The following GRIN2A variants were observed in gnomAD, a reference collection of about 807,000 sequenced individuals.
GRIN2A encodes glutamate ionotropic receptor NMDA type subunit 2A.
A neutral mutation model predicts 113.4 loss-of-function variants in GRIN2A; 22 were observed. The observed-to-expected ratio is 0.19, with a 90% CI of 0.14 to 0.28. The LOEUF is 0.28. Among genes scored for constraint, GRIN2A ranks in the 10% least tolerant of loss-of-function variants. GRIN2A has a pLI of 1.00. For missense variants in GRIN2A, 1,502 were observed against 1,887.0 expected (o/e 0.80, Z 3.78); for synonymous variants, 827 against 738.4 (o/e 1.12, Z -1.94).
Position 9,903,122 on chromosome 16 carries a change from C to A in GRIN2A, c.1008-12022G>T, listed in dbSNP as rs554498694. On this transcript the variant is annotated intron_variant, in intron 3 of 12. Transcript: ENST00000330684. ...TAGCTGGGACTACAATCGCGTGCCA[C>A]CATGCCCAGCTAATTTTTTTGTATT... Among the ~76,000 whole-genome samples the A allele has an allele frequency of 2.6e-5, 4 of 151,950 alleles. No individual in the cohort carries two copies. In the South Asian group the frequency reaches 8.4e-4, roughly 32 times the overall value.
chr16:9,852,683 C>T (rs1325440474), intron 4 of GRIN2A, among the ~76,000 whole-genome samples: 2 of 152,204 alleles, frequency 1.3e-5, no homozygotes, highest in African/African-American at 2.4e-5. Context: ...CTTTTCTCAT[C>T]TGATAGACCC....
At chr16:9,863,650 C>A (rs1236190150) in intron 4 of GRIN2A, among the ~76,000 whole-genome samples, 1 of 152,136 alleles carries the variant, frequency 6.6e-6, no homozygotes, top group Non-Finnish European at 1.5e-5. Context: ...GGGTTTCAAC[C>A]AAGAGGAATG....
intron 2 of GRIN2A, among the ~76,000 whole-genome samples, chr16:10,144,495 T>G (rs938411491): frequency 6.6e-5 from 10 of 152,238 alleles, no homozygotes; most frequent in Non-Finnish European, 1.2e-4. Context: ...CTTTGTCCAT[T>G]TTTTAATTGT....
chr16:10,012,316 A>C (rs1024148453), intron 2 of GRIN2A, among the ~76,000 whole-genome samples: 8 of 152,176 alleles, frequency 5.3e-5, no homozygotes, highest in African/African-American at 1.9e-4. Context: ...GTTCCTTCTC[A>C]CACCTTTTAT....
chr16:10,003,783 A>C (rs180888644), intron 2 of GRIN2A, among the ~76,000 whole-genome samples: 2 of 152,356 alleles, frequency 1.3e-5, no homozygotes, highest in African/African-American at 4.8e-5. Context: ...GAATGAGGTC[A>C]TTAAAGCAAA....
intron 2 of GRIN2A, among the ~76,000 whole-genome samples, chr16:10,028,984 T>G (rs901407650): frequency 6.6e-6 from 1 of 152,210 alleles, no homozygotes; most frequent in Non-Finnish European, 1.5e-5. Context: ...TCAAGTAATA[T>G]AGGAAAGGGG....
chr16:9,862,054 C>G (rs539781747), intron 4 of GRIN2A, among the ~76,000 whole-genome samples: 3 of 152,176 alleles, frequency 2.0e-5, no homozygotes, highest in Non-Finnish European at 4.4e-5. Flanking sequence ...GACTTTTCAA[C>G]CAGCGTCCTA....
intron 2 of GRIN2A, among the ~76,000 whole-genome samples, chr16:10,100,343 C>T (rs1374132116): frequency 6.6e-6 from 1 of 152,196 alleles, no homozygotes; most frequent in Non-Finnish European, 1.5e-5. Flanking sequence ...AGCAAAGATG[C>T]TTGTGCAAAG....
chr16:10,084,311 A>C (rs907770534), intron 2 of GRIN2A, among the ~76,000 whole-genome samples: 34 of 152,152 alleles, frequency 2.2e-4, no homozygotes, highest in African/African-American at 8.0e-4. Flanking sequence ...TCAGCACTTT[A>C]AGCATGGGGC....
intron 2 of GRIN2A, among the ~76,000 whole-genome samples, chr16:10,084,949 C>G (rs977535030): frequency 1.3e-5 from 2 of 152,290 alleles, no homozygotes; most frequent in South Asian, 4.1e-4. Flanking sequence ...GCAGCCAACA[C>G]TTTGATACAA....
chr16:10,065,695 A>C (rs889846090), intron 2 of GRIN2A, among the ~76,000 whole-genome samples: 1 of 152,228 alleles, frequency 6.6e-6, no homozygotes, highest in Admixed American at 6.5e-5. Context: ...TAGTGTTAAT[A>C]ATTATGGAAG....
chr16:9,798,282 C>G lies in GRIN2A; in HGVS notation c.2351G>C (p.Gly784Ala), dbSNP rs76392464. Residue 784 changes from glycine (G) to alanine (A), a missense_variant, in exon 11 of 13, where the codon GGT becomes GCT. Physicochemically the swap from Gly to Ala is moderately conservative, Grantham distance 60. Around this residue, in one of 7 missense-constraint regions of GRIN2A, gnomAD observed 101 missense variants for 240.4 expected, o/e 0.42. Coordinates refer to ENST00000330684, the MANE Select transcript of GRIN2A (RefSeq NM_001134407.3). ...QIDLALLQFV[G>A]DGEMEELETL... ...GGGGTCACCCGGGGTCTTACCATCA[C>G]CCACAAACTGAAGCAAGGCCAGGTC... 6.2e-7 allele frequency: 1 copy of G among 1,613,768 alleles called. No individual in the cohort carries two copies. The highest frequency in any genetic ancestry group is 2.2e-5 in the East Asian group (1 of 44,820).
intron 2 of GRIN2A, among the ~76,000 whole-genome samples, chr16:9,979,860 T>A (rs192523932): frequency 6.7e-6 from 1 of 148,714 alleles, no homozygotes; most frequent in Admixed American, 6.8e-5. Flanking sequence ...TGTGTGTGTG[T>A]GTGTGTGTGT....
intron 2 of GRIN2A, among the ~76,000 whole-genome samples, chr16:10,123,780 T>C (rs1421574195): frequency 6.6e-6 from 1 of 152,226 alleles, no homozygotes; most frequent in Admixed American, 6.5e-5. Flanking sequence ...TTTCAAACTC[T>C]GTAATCAGAC....
chr16:10,115,375 G>A (rs1038324498), intron 2 of GRIN2A, among the ~76,000 whole-genome samples: 6 of 152,160 alleles, frequency 3.9e-5, no homozygotes, highest in African/African-American at 1.4e-4. Flanking sequence ...TTCATTTGTA[G>A]GTAGTAGGAG....
At position 9,975,576 on chromosome 16, in the gene GRIN2A, C is replaced by T; in HGVS notation, c.415-37025G>A. 1.3e-5 allele frequency among the ~76,000 whole-genome samples: 2 copies of T among 152,170 alleles called. 1 individual carries two copies. The highest frequency in any genetic ancestry group is 2.9e-5 in the Non-Finnish European group (2 of 68,030). ...ACTCTTCGGTTTGTGAATCATTCGT[C>T]ACAGCAGCAACAGAAAACTAACAGA... On this transcript the variant is annotated intron_variant, in intron 2 of 12. Coordinates refer to ENST00000330684, the MANE Select transcript of GRIN2A (RefSeq NM_001134407.3).
rs541331805 is a variant in GRIN2A at position 9,893,793 on chromosome 16, T to C, written c.1008-2693A>G. Among the ~76,000 whole-genome samples, 76 of 152,324 alleles carry C rather than the reference T, an allele frequency of 5.0e-4. 1 individual carries two copies. The South Asian group carries it at 8.7e-3, about 17-fold the overall frequency. ...AAGGATATTTTCTTGATTTAACAAC[T>C]AATTACTCTATTTATTATAGAGACG... is the stretch of plus-strand genomic sequence containing the variant. On this transcript the variant is annotated intron_variant, in intron 3 of 12. Transcript: ENST00000330684.
At position 9,870,781 on chromosome 16, in the gene GRIN2A, G is replaced by A. The variant is rs550394752; in HGVS notation, c.1122+20205C>T. Among the ~76,000 whole-genome samples the A allele has an allele frequency of 2.4e-4, 36 of 152,050 alleles. No homozygotes were observed. The East Asian group carries it at 5.2e-3, about 22-fold the overall frequency. On this transcript the variant is annotated intron_variant, in intron 4 of 12. Transcript: ENST00000330684. ...GCCTCCTGAGTAGCTGAAACTACAG[G>A]CACACACTGCCATGCCTGGCTAATT...
rs994861685 is a variant in GRIN2A at position 9,753,650 on chromosome 16, G to A, written c.*9499C>T. ...TTCCTCTATCATAGAAAGGTGTTAA[G>A]CAAACATATAATTTTGTAGCTATGC... On this transcript the variant is annotated 3_prime_UTR_variant, in exon 13 of 13. Coordinates refer to ENST00000330684, the MANE Select transcript of GRIN2A (RefSeq NM_001134407.3). The A allele has an allele frequency of 5.6e-5, 11 of 195,360 alleles. No homozygotes were observed. The highest frequency in any genetic ancestry group is 4.9e-4 in the Admixed American group (8 of 16,462). 12.1% of individuals were successfully genotyped at this position (195,360 alleles called of 1,614,324 possible).
Sources: allele counts gnomAD v4.1 joint callset (sites outside exome capture counted in the v4.1 genomes callset), GRCh38; gene constraint gnomAD v4.1.1; regional missense constraint gnomAD v4.1.1; transcripts MANE v1.5; gene names NCBI Gene and HGNC (gene_info 2026-07-23, HGNC 2026-07-21).